The following SH3GL2 variants were observed in gnomAD, a reference collection of about 807,000 sequenced individuals.
SH3GL2 encodes SH3 domain containing GRB2 like 2, endophilin A1, also known as endophilin-A1.
In SH3GL2, 24 loss-of-function variants were observed where a neutral mutation model predicts 46.0. The observed-to-expected ratio is 0.52, with a 90% CI of 0.38 to 0.73. The LOEUF is 0.73. Ranked by LOEUF, SH3GL2 falls within the 30% of genes least tolerant of loss-of-function variation. The pLI is 0.00. For synonymous variants in SH3GL2, 196 were observed against 147.1 expected (o/e 1.33, Z -2.40); for missense variants, 413 against 424.2 (o/e 0.97, Z 0.23).
chr9:17,783,599 C>A (rs1411549198), intron 3 of SH3GL2, among the ~76,000 whole-genome samples: 3 of 151,976 alleles, frequency 2.0e-5, no homozygotes, highest in Non-Finnish European at 4.4e-5. Context: ...GCCTCAACTG[C>A]CCCCATTTGT....
At chr9:17,707,309 A>G (rs1821495445) in intron 1 of SH3GL2, among the ~76,000 whole-genome samples, 1 of 151,974 alleles carries the variant, frequency 6.6e-6, no homozygotes, top group Non-Finnish European at 1.5e-5. Flanking sequence ...TCTTTCTTCT[A>G]AATCTTCCTC....
chr9:17,636,505 A>C (rs1419485611), intron 1 of SH3GL2, among the ~76,000 whole-genome samples: 2 of 152,230 alleles, frequency 1.3e-5, no homozygotes, highest in Non-Finnish European at 2.9e-5. Context: ...TAGCTTTACA[A>C]AATGACCTTT....
intron 1 of SH3GL2, among the ~76,000 whole-genome samples, chr9:17,644,370 CTTTTGAATTTGTTTGCTCTT>C (rs1368107199): frequency 6.6e-6 from 1 of 152,048 alleles, no homozygotes; most frequent in East Asian, 1.9e-4. Context: ...TTTCTGCTAG[CTTTTGAATTTGTTTGCTCTT>C]GCTTCTGTAG....
chr9:17,789,504 C>T lies in SH3GL2; in HGVS notation c.578C>T (p.Ser193Phe). 1 of 1,613,312 alleles carries T rather than the reference C, an allele frequency of 6.2e-7. No individual in the cohort carries two copies. The highest frequency in any genetic ancestry group is 8.5e-7 in the Non-Finnish European group (1 of 1,179,462). The stretch of plus-strand genomic sequence containing the variant: ...CAAGCTCTAGAGAAATTTGATGAGT[C>T]TAAGGAAATTGCTGAGTCAAGCATG... ...LRQALEKFDE[S>F]KEIAESSMFN... The change falls in exon 6 of 9, where the codon TCT becomes TTT. Residue 193 changes from serine to phenylalanine, a missense_variant. Coordinates refer to ENST00000380607, the MANE Select transcript of SH3GL2 (RefSeq NM_003026.5).
At chr9:17,721,897 G>A (rs1019106570) in intron 1 of SH3GL2, among the ~76,000 whole-genome samples, 1 of 152,042 alleles carries the variant, frequency 6.6e-6, no homozygotes, top group South Asian at 2.1e-4. Context: ...CCACTAATAG[G>A]AAAATTAGGA....
chr9:17,677,624 G>GTATA (rs60772491), intron 1 of SH3GL2, among the ~76,000 whole-genome samples: 5,606 of 147,312 alleles, frequency 0.038, 337 homozygotes, highest in African/African-American at 0.13. Flanking sequence ...AAATTGTATG[G>GTATA]TATATATATA....
intron 1 of SH3GL2, among the ~76,000 whole-genome samples, chr9:17,730,044 C>T (rs1028649967): frequency 2.0e-5 from 3 of 151,966 alleles, no homozygotes; most frequent in Non-Finnish European, 4.4e-5. Context: ...CTGTAAATTA[C>T]TTTGGGCAAT....
chr9:17,731,973 G>A (rs1536077), intron 1 of SH3GL2, among the ~76,000 whole-genome samples: 1 of 152,078 alleles, frequency 6.6e-6, no homozygotes, highest in Non-Finnish European at 1.5e-5. Flanking sequence ...AGGTAGTCAG[G>A]TTCTGACCTG....
chr9:17,676,157 A>G (rs1820603690), intron 1 of SH3GL2, among the ~76,000 whole-genome samples: 1 of 152,184 alleles, frequency 6.6e-6, no homozygotes, highest in Admixed American at 6.5e-5. Flanking sequence ...CCTGCATTGT[A>G]TCTGAAAAAC....
chr9:17,617,223 T>G (rs1012298501), intron 1 of SH3GL2, among the ~76,000 whole-genome samples: 1 of 152,226 alleles, frequency 6.6e-6, no homozygotes, highest in African/African-American at 2.4e-5. Context: ...TGGTGGACAT[T>G]TAAAATGTTT....
chr9:17,719,295 T>G (rs1042480644), intron 1 of SH3GL2, among the ~76,000 whole-genome samples: 1 of 152,142 alleles, frequency 6.6e-6, no homozygotes, highest in African/African-American at 2.4e-5. Context: ...CTCTAACACT[T>G]CAAACATTGT....
intron 1 of SH3GL2, among the ~76,000 whole-genome samples, chr9:17,604,170 A>G (rs1472328400): frequency 6.6e-6 from 1 of 151,958 alleles, no homozygotes; most frequent in African/African-American, 2.4e-5. Flanking sequence ...TGAGGTATTT[A>G]CCCCCTCCTG....
intron 1 of SH3GL2, among the ~76,000 whole-genome samples, chr9:17,597,312 A>G (rs1818590840): frequency 6.6e-6 from 1 of 152,172 alleles, no homozygotes; most frequent in Non-Finnish European, 1.5e-5. Context: ...ACTTGAGTTC[A>G]GGAGTTCAAA....
chr9:17,707,933 T>G (rs760792028), intron 1 of SH3GL2, among the ~76,000 whole-genome samples: 10 of 152,180 alleles, frequency 6.6e-5, no homozygotes, highest in Non-Finnish European at 1.2e-4. Context: ...AAATAAAAGG[T>G]GAGACCTAGA....
At chr9:17,783,383 C>T (rs1007121547) in intron 3 of SH3GL2, among the ~76,000 whole-genome samples, 1 of 151,130 alleles carries the variant, frequency 6.6e-6, no homozygotes, top group Non-Finnish European at 1.5e-5. Context: ...AGCTAGTTGC[C>T]ACACTAGATA....
intron 1 of SH3GL2, among the ~76,000 whole-genome samples, chr9:17,743,889 T>C (rs1822604938): frequency 6.6e-6 from 1 of 152,258 alleles, no homozygotes; most frequent in African/African-American, 2.4e-5. Context: ...ACCAGGATTC[T>C]CTATTAATGA....
chr9:17,672,559 T>C (rs1390353214), intron 1 of SH3GL2, among the ~76,000 whole-genome samples: 2 of 152,122 alleles, frequency 1.3e-5, no homozygotes, highest in Non-Finnish European at 2.9e-5. Flanking sequence ...AATGTGGGGA[T>C]CCTGATCTGT....
At chr9:17,695,441 A>G (rs1480217898) in intron 1 of SH3GL2, among the ~76,000 whole-genome samples, 6 of 152,104 alleles carry the variant, frequency 3.9e-5, no homozygotes, top group African/African-American at 9.7e-5. Flanking sequence ...CTCTGCACAC[A>G]TAAGGAGTAA....
intron 1 of SH3GL2, among the ~76,000 whole-genome samples, chr9:17,612,075 C>T (rs1818879490): frequency 6.6e-6 from 1 of 152,126 alleles, no homozygotes; most frequent in Admixed American, 6.6e-5. Context: ...GGAAGGTTGC[C>T]TAGCAGCAGA....
Sources: allele counts gnomAD v4.1 joint callset (sites outside exome capture counted in the v4.1 genomes callset), GRCh38; gene constraint gnomAD v4.1.1; transcripts MANE v1.5; gene names NCBI Gene and HGNC (gene_info 2026-07-23, HGNC 2026-07-21).